The following ZHX2 variants were observed in gnomAD, a reference collection of about 807,000 sequenced individuals.
The protein encoded by ZHX2 is zinc fingers and homeoboxes protein 2.
In ZHX2, 6 loss-of-function variants were observed where a neutral mutation model predicts 21.9. That is an observed-to-expected ratio of 0.27 (90% CI 0.15 to 0.54). The LOEUF (loss-of-function observed/expected upper bound fraction) is 0.54, where lower values mean the gene tolerates loss of function less well. ZHX2 is among the 20% of genes least tolerant of loss of function. The pLI is 0.95. For synonymous variants in ZHX2, 434 were observed against 437.1 expected, an observed-to-expected ratio of 0.99 and a Z score of 0.09; for missense variants, 908 against 1,090.7, an observed-to-expected ratio of 0.83 and a Z score of 2.36.
At position 122,953,101 on chromosome 8, in the gene ZHX2, C is replaced by CA; in HGVS notation, c.1592dup (p.Lys532GlufsTer11). The CA allele has an allele frequency of 6.2e-7, 1 of 1,613,988 alleles. No individual in the cohort carries two copies. The highest frequency in any genetic ancestry group is 8.5e-7 in the Non-Finnish European group (1 of 1,180,032). The stretch of plus-strand genomic sequence containing the variant: ...TCATGCGTACCCAGACTTTGCCCCC[C>CA]AGAAGTTCAAAGAGAAAACACAGGG... On this transcript the variant is annotated frameshift_variant, in exon 3 of 4. Transcript: ENST00000314393. LOFTEE classifies it low-confidence loss of function (END_TRUNC). The surrounding 1 kb of genome is among the most constrained non-coding windows in gnomAD (Gnocchi z 4.6).
At position 122,952,457 on chromosome 8, in the gene ZHX2, A is replaced by C. The variant is rs1563602179; in HGVS notation, c.947A>C (p.Lys316Thr). The change falls in exon 3 of 4, where the codon AAG (lysine) becomes ACG (threonine). Residue 316 changes from lysine (K) to threonine (T), a missense_variant. Lys to Thr is a moderately conservative substitution (Grantham distance 78). Coordinates refer to ENST00000314393, the MANE Select transcript of ZHX2 (RefSeq NM_014943.5). The surrounding 1 kb of genome is among the most constrained non-coding windows in gnomAD (Gnocchi z 6.9). ...ATCTGGTTTGCCACCCAGCGCTTAAAGCATGGCATCAGCTGGTCCCCAGAA... is the reference window on the plus strand; with the variant it reads ...ATCTGGTTTGCCACCCAGCGCTTAACGCATGGCATCAGCTGGTCCCCAGAA... ...IRIWFATQRL[K>T]HGISWSPEEV... 1 of 1,614,222 alleles carries C rather than the reference A, an allele frequency of 6.2e-7. No individual in the cohort carries two copies. The highest frequency in any genetic ancestry group is 8.5e-7 in the Non-Finnish European group (1 of 1,180,044).
At chr8:122,967,550 T>C (rs1586432427) in intron 3 of ZHX2, among the ~76,000 whole-genome samples, 1 of 152,136 alleles carries the variant, frequency 6.6e-6, no homozygotes, top group African/African-American at 2.4e-5. Context: ...CCAGTGGAGG[T>C]GGCATGGGAG....
intron 1 of ZHX2, among the ~76,000 whole-genome samples, chr8:122,852,018 T>A (rs1818913749): frequency 6.6e-6 from 1 of 152,222 alleles, no homozygotes; most frequent in African/African-American, 2.4e-5. Context: ...TTTAATTTTT[T>A]AAATTTTGAG....
intron 2 of ZHX2, among the ~76,000 whole-genome samples, chr8:122,887,075 G>C (rs1819860672): frequency 1.3e-5 from 2 of 151,700 alleles, no homozygotes; most frequent in Non-Finnish European, 2.9e-5. Flanking sequence ...GTGTGTGTGT[G>C]TGTGTGTGTG....
At chr8:122,921,848 C>CA (rs1039114346) in intron 2 of ZHX2, among the ~76,000 whole-genome samples, 2 of 150,334 alleles carry the variant, frequency 1.3e-5, no homozygotes, top group African/African-American at 2.4e-5. Flanking sequence ...AGCTCAGGGG[C>CA]AAAAAAAAGA....
chr8:122,944,950 A>T (rs1051313057), intron 2 of ZHX2, among the ~76,000 whole-genome samples: 6 of 152,180 alleles, frequency 3.9e-5, no homozygotes, highest in Non-Finnish European at 7.3e-5. Context: ...TGATGTCATT[A>T]TAACAAGAGG....
At chr8:122,818,109 A>G (rs1482589210) in intron 1 of ZHX2, among the ~76,000 whole-genome samples, 1 of 152,134 alleles carries the variant, frequency 6.6e-6, no homozygotes, top group Non-Finnish European at 1.5e-5. Flanking sequence ...ATCCAGGACT[A>G]TGTTTAGAGC....
At chr8:122,957,821 G>GA (rs1554589731) in intron 3 of ZHX2, among the ~76,000 whole-genome samples, 1 of 152,074 alleles carries the variant, frequency 6.6e-6, no homozygotes, top group Non-Finnish European at 1.5e-5. Flanking sequence ...ACTAGGGGTG[G>GA]CATTGAAAGT....
At chr8:122,861,958 C>A (rs1819178225) in intron 1 of ZHX2, among the ~76,000 whole-genome samples, 1 of 152,194 alleles carries the variant, frequency 6.6e-6, no homozygotes, top group Non-Finnish European at 1.5e-5. Flanking sequence ...CAAAAGCGCT[C>A]AACTTACTGG....
At chr8:122,827,497 T>C (rs1818287763) in intron 1 of ZHX2, among the ~76,000 whole-genome samples, 1 of 152,200 alleles carries the variant, frequency 6.6e-6, no homozygotes, top group Non-Finnish European at 1.5e-5. Flanking sequence ...GCAACAACTC[T>C]GTGAAGAAAG....
chr8:122,891,878 A>G (rs2129870733), intron 2 of ZHX2, among the ~76,000 whole-genome samples: 1 of 152,334 alleles, frequency 6.6e-6, no homozygotes, highest in Admixed American at 6.5e-5. Context: ...GTGCTAATGA[A>G]AAGAAAGTGT....
At chr8:122,853,210 A>T (rs1818943644) in intron 1 of ZHX2, among the ~76,000 whole-genome samples, 1 of 152,014 alleles carries the variant, frequency 6.6e-6, no homozygotes, top group Admixed American at 6.6e-5. Context: ...AGTTATAAAG[A>T]CTCATCATCA....
chr8:122,839,474 C>G (rs2130704986), intron 1 of ZHX2, among the ~76,000 whole-genome samples: 1 of 152,216 alleles, frequency 6.6e-6, no homozygotes, highest in Admixed American at 6.5e-5. Flanking sequence ...TCCAAGGGGT[C>G]CTCCCTGTTT....
chr8:122,799,396 A>G (rs1432479826), intron 1 of ZHX2, among the ~76,000 whole-genome samples: 1 of 129,800 alleles, frequency 7.7e-6, no homozygotes, highest in Non-Finnish European at 1.8e-5. Flanking sequence ...TGTGCGCCAC[A>G]ATTTTTTTTT....
rs56331425 is a variant in ZHX2, at chr8:122,971,611, C to CAAAA, written c.*5-1613_*5-1610dup. Among the ~76,000 whole-genome samples, 161 of 81,782 alleles carry CAAAA rather than the reference C, an allele frequency of 2.0e-3. 6 individuals are homozygous for CAAAA. Among genetic ancestry groups the CAAAA allele is most frequent in the African/African-American group, 5.1e-3 (110 of 21,466 alleles). 53.7% of individuals were successfully genotyped at this position (81,782 alleles called of 152,430 possible). On this transcript the variant is annotated intron_variant, in intron 3 of 3. Transcript: ENST00000314393. ...ACTCTCCTTGCTGTTGGCCCCTGTA[C>CAAAA]AAAAAAAAAAAAAAAAAAAAATTCC...
intron 3 of ZHX2, among the ~76,000 whole-genome samples, chr8:122,956,325 A>G (rs1193046970): frequency 6.6e-6 from 1 of 152,190 alleles, no homozygotes; most frequent in East Asian, 1.9e-4. Context: ...GACAGACAAC[A>G]CAGTACCCAT....
rs1431770989 is a variant in ZHX2 at position 122,835,310 on chromosome 8, C to A, written c.-282-28167C>A. On this transcript the variant is annotated intron_variant, in intron 1 of 3. Transcript: ENST00000314393. ...GCATGGGCCAAAGATGGCGCCCGAG[C>A]GAGTAAGGGCAGGAGAGAAGGAAGA... 3.9e-5 allele frequency among the ~76,000 whole-genome samples: 6 copies of A among 152,050 alleles called. No individual in the cohort carries two copies. In the East Asian group the frequency reaches 5.8e-4, roughly 15 times the overall value.
chr8:122,786,967 C>A (rs766982250), intron 1 of ZHX2, among the ~76,000 whole-genome samples: 7 of 151,950 alleles, frequency 4.6e-5, no homozygotes, highest in Non-Finnish European at 8.8e-5. Context: ...TCCCCTCCCC[C>A]ACCCTTCTCT....
intron 3 of ZHX2, among the ~76,000 whole-genome samples, chr8:122,964,758 A>G (rs1813536599): frequency 6.6e-6 from 1 of 152,112 alleles, no homozygotes; most frequent in African/African-American, 2.4e-5. Context: ...TTCAGCTGTG[A>G]ATCCACCTGG....
Sources: allele counts gnomAD v4.1 joint callset (sites outside exome capture counted in the v4.1 genomes callset), GRCh38; gene constraint gnomAD v4.1.1; non-coding constraint Gnocchi (gnomAD v3.1); transcripts MANE v1.5; gene names NCBI Gene and HGNC (gene_info 2026-07-23, HGNC 2026-07-21).